The following GRIK1 variants were observed in gnomAD, a reference collection of about 807,000 sequenced individuals.
GRIK1 encodes the protein glutamate receptor ionotropic, kainate 1.
In GRIK1, 69 loss-of-function variants were observed where a neutral mutation model predicts 105.7. The observed-to-expected ratio is 0.65, with a 90% CI of 0.54 to 0.80. GRIK1 has a LOEUF of 0.80. GRIK1 is among the 30% of genes least tolerant of loss of function. The probability of loss-of-function intolerance (pLI) is 0.00; values close to 1 mark genes in which losing one functional copy is unlikely to be tolerated. For synonymous variants in GRIK1, 438 were observed against 431.3 expected (o/e 1.02, Z -0.19); for missense variants, 1,109 against 1,167.3 (o/e 0.95, Z 0.73).
chr21:29,762,243 C>T lies in GRIK1; in HGVS notation c.119-68180G>A, dbSNP rs545206314. Among the ~76,000 whole-genome samples the T allele has an allele frequency of 5.9e-5, 9 of 152,322 alleles. No homozygotes were observed. In the East Asian group the frequency reaches 1.7e-3, roughly 29 times the overall value. On this transcript the variant is annotated intron_variant, in intron 1 of 17. Transcript: ENST00000327783. ...AATGACTGATCTAAATGTCAGTCTG[C>T]ATGTCTTTCCAGGAAGGCATCATCA...
chr21:29,893,085 G>A (rs2069965291), intron 1 of GRIK1, among the ~76,000 whole-genome samples: 1 of 152,140 alleles, frequency 6.6e-6, no homozygotes, highest in African/African-American at 2.4e-5. Context: ...AAATAATACA[G>A]TTGTTGAAAT....
chr21:29,874,151 T>C (rs1343293340), intron 1 of GRIK1, among the ~76,000 whole-genome samples: 1 of 152,192 alleles, frequency 6.6e-6, no homozygotes, highest in Non-Finnish European at 1.5e-5. Flanking sequence ...ATAGGCCACA[T>C]GGCCCGTTGT....
At chr21:29,830,605 T>G (rs1437691806) in intron 1 of GRIK1, among the ~76,000 whole-genome samples, 1 of 152,160 alleles carries the variant, frequency 6.6e-6, no homozygotes, top group Non-Finnish European at 1.5e-5. Context: ...AACCACAGCA[T>G]GTATTTAACC....
At position 29,598,843 on chromosome 21, in the gene GRIK1, T is replaced by A; in HGVS notation, c.1193A>T (p.Glu398Val). 1 of 1,467,756 alleles carries A rather than the reference T, an allele frequency of 6.8e-7. No homozygotes were observed. The highest frequency in any genetic ancestry group is 9.5e-7 in the Non-Finnish European group (1 of 1,052,166). 90.9% of individuals were successfully genotyped at this position (1,467,756 alleles called of 1,614,324 possible). The stretch of plus-strand genomic sequence containing the variant: ...TAAGGAGGTTACCTTTTCAGTTCCT[T>A]CCTCTTTGAGACTAATAATGTCCAG... ...FDLDIISLKE[E>V]GTEKAAGEVS... Residue 398 changes from glutamate (E) to valine (V), a missense_variant, in exon 8 of 18, where the codon GAA becomes GTA. Transcript: ENST00000327783.
chr21:29,814,616 A>T (rs2067104563), intron 1 of GRIK1, among the ~76,000 whole-genome samples: 1 of 152,150 alleles, frequency 6.6e-6, no homozygotes, highest in Non-Finnish European at 1.5e-5. Flanking sequence ...CTCGATAACG[A>T]TTCCGACTAT....
At chr21:29,704,001 G>A (rs943224086) in intron 1 of GRIK1, among the ~76,000 whole-genome samples, 3 of 152,212 alleles carry the variant, frequency 2.0e-5, no homozygotes, top group African/African-American at 7.2e-5. Flanking sequence ...TAGCTAGTAA[G>A]AGAAAGGCCG....
At chr21:29,798,069 C>T (rs1035455437) in intron 1 of GRIK1, among the ~76,000 whole-genome samples, 2 of 152,194 alleles carry the variant, frequency 1.3e-5, no homozygotes, top group Non-Finnish European at 2.9e-5. Flanking sequence ...GAATAGGTGG[C>T]ATCTACTCAA....
chr21:29,931,613 C>T (rs2071565789), intron 1 of GRIK1, among the ~76,000 whole-genome samples: 1 of 152,094 alleles, frequency 6.6e-6, no homozygotes, highest in South Asian at 2.1e-4. Context: ...TCTTTACTTT[C>T]CAGCACTATA....
At chr21:29,699,316 G>T (rs1214377400) in intron 1 of GRIK1, among the ~76,000 whole-genome samples, 4 of 152,160 alleles carry the variant, frequency 2.6e-5, no homozygotes. Flanking sequence ...CAGTGACTAG[G>T]TTGCAATGAG....
chr21:29,559,877 ACT>A (rs1335450786), intron 15 of GRIK1, among the ~76,000 whole-genome samples: 1 of 151,962 alleles, frequency 6.6e-6, no homozygotes, highest in Non-Finnish European at 1.5e-5. Flanking sequence ...CATGTCTACA[ACT>A]CTCTGACTTG....
intron 1 of GRIK1, among the ~76,000 whole-genome samples, chr21:29,887,725 A>AT (rs1033401735): frequency 2.4e-4 from 37 of 151,886 alleles, no homozygotes; most frequent in African/African-American, 6.5e-4. Context: ...GTGTGTTGGC[A>AT]TTTTTTTTCC....
intron 4 of GRIK1, chr21:29,657,955 C>T (rs1307648257): frequency 2.0e-5 from 3 of 152,178 alleles, no homozygotes; most frequent in Non-Finnish European, 4.4e-5. Flanking sequence ...AGGGAGTTTT[C>T]TAATAGTTCT....
At chr21:29,772,429 A>T (rs1029128656) in intron 1 of GRIK1, among the ~76,000 whole-genome samples, 2 of 152,204 alleles carry the variant, frequency 1.3e-5, no homozygotes, top group African/African-American at 4.8e-5. Context: ...TAACTTTCCA[A>T]TACACTAGTG....
At chr21:29,765,121 C>A (rs897758450) in intron 1 of GRIK1, among the ~76,000 whole-genome samples, 1 of 152,176 alleles carries the variant, frequency 6.6e-6, no homozygotes, top group African/African-American at 2.4e-5. Context: ...TAGCTCCTGC[C>A]TCTGGCAGAG....
intron 1 of GRIK1, among the ~76,000 whole-genome samples, chr21:29,818,666 C>T (rs777940424): frequency 2.0e-4 from 31 of 152,068 alleles, no homozygotes; most frequent in Non-Finnish European, 1.5e-5. Flanking sequence ...ATTTCTTTCT[C>T]AGTATCTATT....
At chr21:29,804,706 G>C (rs919482692) in intron 1 of GRIK1, among the ~76,000 whole-genome samples, 1 of 152,032 alleles carries the variant, frequency 6.6e-6, no homozygotes, top group African/African-American at 2.4e-5. Flanking sequence ...AAATATGAAC[G>C]GCTAATGTTT....
In GRIK1 at chr21:29,596,777, T is replaced by G. The variant is rs534369430; in HGVS notation, c.1207-207A>C. On this transcript the variant is annotated intron_variant, in intron 8 of 17. Coordinates refer to ENST00000327783, the MANE Select transcript of GRIK1 (RefSeq NM_001330994.2). ...CTTGGGTCTCACAGAAGTTACCTGG[T>G]GGTAAGACTCAATTTTTACTTTTCC... 1.9e-5 allele frequency: 11 copies of G among 585,038 alleles called. No individual in the cohort carries two copies. In the East Asian group the frequency reaches 3.2e-4, roughly 17 times the overall value. The allele number at this position is 585,038 out of a possible 1,614,324, so 36.2% of individuals were successfully genotyped here.
chr21:29,542,498 A>G (rs927903554), intron 16 of GRIK1, among the ~76,000 whole-genome samples: 5 of 152,198 alleles, frequency 3.3e-5, no homozygotes, highest in African/African-American at 1.2e-4. Flanking sequence ...CTCACGAAGA[A>G]TGATTCAGGG....
intron 1 of GRIK1, among the ~76,000 whole-genome samples, chr21:29,825,266 G>C (rs2067419890): frequency 6.6e-6 from 1 of 152,004 alleles, no homozygotes; most frequent in African/African-American, 2.4e-5. Context: ...GATGGGGGAA[G>C]ACTTTATGCT....
Sources: gnomAD v4.1 joint callset for allele counts (sites outside exome capture counted in the v4.1 genomes callset) on GRCh38, gnomAD v4.1.1 for gene constraint, MANE v1.5 for transcripts, NCBI Gene and HGNC (gene_info 2026-07-23, HGNC 2026-07-21) for gene names.